IGF2R: variants seen among roughly 807,000 people sequenced by gnomAD.
IGF2R encodes the protein cation-independent mannose-6-phosphate receptor.
A neutral mutation model predicts 270.6 loss-of-function variants in IGF2R; 91 were observed. The ratio of observed to expected loss-of-function variants is 0.34; its 90% CI spans 0.28 to 0.40. The LOEUF (loss-of-function observed/expected upper bound fraction) is 0.40. Among genes scored for constraint, IGF2R ranks in the 10% least tolerant of loss-of-function variants. IGF2R has a pLI of 1.00. For synonymous variants in IGF2R, 1,316 were observed against 1,258.9 expected, an observed-to-expected ratio of 1.05 and a Z score of -0.96; for missense variants, 2,805 against 3,188.3, an observed-to-expected ratio of 0.88 and a Z score of 2.90.
chr6:160,086,140 CAG>C (rs1491123590), intron 41 of IGF2R, among the ~76,000 whole-genome samples: 3 of 152,298 alleles, frequency 2.0e-5, no homozygotes, highest in African/African-American at 4.8e-5. Flanking sequence ...GTAGTGAACA[CAG>C]GGGGTGACAT....
At chr6:160,032,486 G>A in intron 7 of IGF2R, 65 bp from the exon 8 acceptor site, 2 of 1,465,164 alleles carry the variant, frequency 1.4e-6, no homozygotes, top group South Asian at 2.5e-5. Flanking sequence ...TCATAAGTGT[G>A]GAAAATCTGC....
intron 2 of IGF2R, chr6:160,003,566 C>G (rs777716187): frequency 2.0e-5 from 3 of 152,110 alleles, no homozygotes; most frequent in Non-Finnish European, 4.4e-5. Context: ...GTATTTTCTT[C>G]TTATTTACTT....
At position 160,061,577 on chromosome 6, in the gene IGF2R, G is replaced by A; in HGVS notation, c.3337G>A (p.Val1113Ile). ...ACCTTGGACGGCTGTTGACACCTCT[G>A]TCGATGGGAGAAAGAGGACTTTCTA... ...RKPWTAVDTS[V>I]DGRKRTFYLS... Residue 1113 changes from valine to isoleucine, a missense_variant, in exon 24 of 48, where the codon GTC becomes ATC. Physicochemically the swap from Val to Ile is conservative, Grantham distance 29. Transcript: ENST00000356956. 1 of 1,613,936 alleles carries A rather than the reference G, an allele frequency of 6.2e-7. No homozygotes were observed. Among genetic ancestry groups the A allele is most frequent in the Non-Finnish European group, 8.5e-7 (1 of 1,179,804 alleles).
At chr6:159,974,198 G>T (rs1304889983) in intron 1 of IGF2R, among the ~76,000 whole-genome samples, 2 of 152,176 alleles carry the variant, frequency 1.3e-5, no homozygotes, top group Non-Finnish European at 2.9e-5. Context: ...TGGTATCTCA[G>T]TGTGGTTTCA....
chr6:159,999,976 A>T (rs997542488), intron 2 of IGF2R, among the ~76,000 whole-genome samples: 7 of 152,228 alleles, frequency 4.6e-5, no homozygotes, highest in African/African-American at 1.7e-4. Context: ...GACAAAAGAC[A>T]TACACTAGAC....
intron 19 of IGF2R, among the ~76,000 whole-genome samples, chr6:160,056,166 C>T (rs148368186): frequency 3.4e-4 from 52 of 152,284 alleles, no homozygotes; most frequent in African/African-American, 1.2e-3. Flanking sequence ...AGGTTTGGAT[C>T]TGAATTCTAC....
intron 4 of IGF2R, among the ~76,000 whole-genome samples, chr6:160,021,218 A>G (rs1190133721): frequency 6.6e-6 from 1 of 152,104 alleles, no homozygotes; most frequent in Non-Finnish European, 1.5e-5. Context: ...TAATCATCAG[A>G]GAAATATACA....
intron 4 of IGF2R, among the ~76,000 whole-genome samples, chr6:160,022,013 A>AACACAC (rs58646750): frequency 0.19 from 27,352 of 142,732 alleles, 2,805 homozygotes; most frequent in East Asian, 0.45. Flanking sequence ...CTAGGTAAAG[A>AACACAC]ACACACACAC....
At chr6:160,078,810 G>A (rs1221472042) in intron 37 of IGF2R, among the ~76,000 whole-genome samples, 3 of 152,196 alleles carry the variant, frequency 2.0e-5, no homozygotes, top group African/African-American at 7.2e-5. Context: ...TTTGGGAAGA[G>A]GGAGGTAGGA....
intron 1 of IGF2R, among the ~76,000 whole-genome samples, chr6:159,985,956 C>T (rs1330678308): frequency 2.6e-5 from 4 of 152,174 alleles, no homozygotes; most frequent in African/African-American, 7.2e-5. Context: ...GATGGTTTTG[C>T]ATCCAGAAGA....
At chr6:160,049,860 G>A (rs1778154507) in intron 18 of IGF2R, among the ~76,000 whole-genome samples, 1 of 152,194 alleles carries the variant, frequency 6.6e-6, no homozygotes, top group African/African-American at 2.4e-5. Context: ...TGAGACATTG[G>A]GGATTACAGC....
At chr6:160,052,594 A>G (rs945191112) in intron 19 of IGF2R, among the ~76,000 whole-genome samples, 3 of 152,226 alleles carry the variant, frequency 2.0e-5, no homozygotes, top group Non-Finnish European at 4.4e-5. Flanking sequence ...TTTAAAGTTC[A>G]TATGGAACCA....
intron 9 of IGF2R, among the ~76,000 whole-genome samples, chr6:160,033,348 G>T (rs141612062): frequency 2.0e-5 from 3 of 152,322 alleles, no homozygotes; most frequent in Non-Finnish European, 2.9e-5. Context: ...TGTTGCCCAC[G>T]CTGATCTTGA....
At chr6:160,053,617 A>C (rs117065196) in intron 19 of IGF2R, among the ~76,000 whole-genome samples, 2 of 151,960 alleles carry the variant, frequency 1.3e-5, no homozygotes, top group Non-Finnish European at 1.5e-5. Flanking sequence ...ATTGGGGTAA[A>C]ATATATATAA....
In IGF2R at chr6:160,056,492, C is replaced by A. The variant is rs755852675; in HGVS notation, c.2763C>A (p.Ala921=). Residue 921 remains alanine (A), a synonymous_variant, in exon 20 of 48, where the codon GCC becomes GCA. Transcript: ENST00000356956. ...VVSFLWNTEA[A]CPIQTTTDTD... is the part of the protein sequence containing the mutation. ...GTTTCCTGTGGAACACAGAGGCTGCCTGTCCCATTCAGACAACGACGGATA... is the reference window on the plus strand; with the variant it reads ...GTTTCCTGTGGAACACAGAGGCTGCATGTCCCATTCAGACAACGACGGATA... 1 of 1,613,922 alleles carries A rather than the reference C, an allele frequency of 6.2e-7. No individual in the cohort carries two copies. Among genetic ancestry groups the A allele is most frequent in the Non-Finnish European group, 8.5e-7 (1 of 1,179,772 alleles).
chr6:160,054,478 C>G (rs1778267574), intron 19 of IGF2R, among the ~76,000 whole-genome samples: 1 of 152,050 alleles, frequency 6.6e-6, no homozygotes, highest in Non-Finnish European at 1.5e-5. Flanking sequence ...GTTGTGTTGT[C>G]AGAACCACAA....
chr6:159,980,208 A>AAGAAAGGAAGAAAGGAAGAAAGGAAGG (rs1562330501), intron 1 of IGF2R, among the ~76,000 whole-genome samples: 5 of 90,632 alleles, frequency 5.5e-5, no homozygotes, highest in Non-Finnish European at 8.5e-5. Context: ...AGAAAGAAAG[A>AAGAAAGGAAGAAAGGAAGAAAGGAAGG]AAGAAAGAAA....
chr6:159,975,082 T>G (rs1783667632), intron 1 of IGF2R, among the ~76,000 whole-genome samples: 1 of 152,124 alleles, frequency 6.6e-6, no homozygotes, highest in Admixed American at 6.5e-5. Flanking sequence ...TACCTGGAGA[T>G]AGTGTCAGAT....
chr6:160,023,717 A>T (rs1008628163), intron 4 of IGF2R, among the ~76,000 whole-genome samples: 2 of 152,196 alleles, frequency 1.3e-5, no homozygotes, highest in East Asian at 1.9e-4. Context: ...AGCTTCTGCT[A>T]TTGTTGGCTG....
Sources: allele counts gnomAD v4.1 joint callset (sites outside exome capture counted in the v4.1 genomes callset), GRCh38; gene constraint gnomAD v4.1.1; transcripts MANE v1.5; gene names NCBI Gene and HGNC (gene_info 2026-07-23, HGNC 2026-07-21).